The following TPST1 variants were observed in gnomAD, a reference collection of about 807,000 sequenced individuals.
TPST1 encodes protein-tyrosine sulfotransferase 1.
A neutral mutation model predicts 34.8 loss-of-function variants in TPST1; 20 were observed. That is an observed-to-expected ratio of 0.57 (90% CI 0.40 to 0.84). The LOEUF (loss-of-function observed/expected upper bound fraction) is 0.84. Ranked by LOEUF, TPST1 falls within the 40% of genes least tolerant of loss-of-function variation. The pLI, the probability that TPST1 is intolerant of heterozygous loss-of-function variation, is 0.00. For synonymous variants in TPST1, 152 were observed against 159.4 expected (o/e 0.95, Z 0.35); for missense variants, 353 against 455.5 (o/e 0.78, Z 2.05).
upstream of TPST1, among the ~76,000 whole-genome samples, chr7:66,200,497 G>GCAA (rs10645940): frequency 0.65 from 95,994 of 148,818 alleles, 31,317 homozygotes; most frequent in African/African-American, 0.74. Context: ...TCGGCTCACT[G>GCAA]CAAGCTCCGC....
chr7:66,225,820 C>G (rs1789643283), intron 1 of TPST1, among the ~76,000 whole-genome samples: 1 of 152,202 alleles, frequency 6.6e-6, no homozygotes, highest in African/African-American at 2.4e-5. Flanking sequence ...AGTGGAGCCT[C>G]AAACACTATA....
chr7:66,253,548 T>G (rs1300281875), intron 2 of TPST1, among the ~76,000 whole-genome samples: 2 of 151,622 alleles, frequency 1.3e-5, no homozygotes, highest in Non-Finnish European at 2.9e-5. Context: ...ATTTTTTGTA[T>G]TTTTAGTAGA....
At chr7:66,233,987 G>A (rs542715970) in intron 1 of TPST1, among the ~76,000 whole-genome samples, 1 of 152,200 alleles carries the variant, frequency 6.6e-6, no homozygotes, top group South Asian at 2.1e-4. Flanking sequence ...TCAGCCTCCG[G>A]AGTAGCTGGG....
At chr7:66,345,562 C>T (rs2116351984) in intron 3 of TPST1, among the ~76,000 whole-genome samples, 1 of 144,724 alleles carries the variant, frequency 6.9e-6, no homozygotes, top group Middle Eastern at 3.6e-3. Context: ...ATATCATAAT[C>T]AAATTGCAGA....
Position 66,205,854 on chromosome 7 carries a change from C to T in TPST1, c.-102+332C>T. On this transcript the variant is annotated intron_variant, in intron 1 of 5. Coordinates refer to ENST00000304842, the MANE Select transcript of TPST1 (RefSeq NM_003596.4). This position sits in a 1 kb window ranked among gnomAD's most constrained non-coding sequence, Gnocchi z 5.0. ...GATGAGACCCTCGTCTCGCCGGGAT[C>T]GGACATTTGCCCCCACGTCTACCCC... 6.5e-6 allele frequency: 1 copy of T among 152,752 alleles called. No individual in the cohort carries two copies. Among genetic ancestry groups the T allele is most frequent in the Non-Finnish European group, 1.5e-5 (1 of 68,410 alleles). The allele number at this position is 152,752 out of a possible 1,614,324, so 9.5% of individuals were successfully genotyped here. A position where few individuals can be genotyped will look rare whatever the true frequency, so the allele number is the denominator to read the frequency against.
At chr7:66,314,146 A>G (rs1178377978) in intron 3 of TPST1, among the ~76,000 whole-genome samples, 1 of 152,178 alleles carries the variant, frequency 6.6e-6, no homozygotes, top group African/African-American at 2.4e-5. Context: ...TATGATGTTC[A>G]TCTGTCACAC....
At chr7:66,203,579 G>A (rs186821067), upstream of TPST1, among the ~76,000 whole-genome samples, 13 of 150,304 alleles carry the variant, frequency 8.6e-5, no homozygotes, top group East Asian at 1.6e-3. Context: ...TCCACCTCCC[G>A]GGTTCACGCC....
chr7:66,206,907 T>G (rs1789141745), intron 1 of TPST1, among the ~76,000 whole-genome samples: 1 of 151,974 alleles, frequency 6.6e-6, no homozygotes, highest in Non-Finnish European at 1.5e-5. Flanking sequence ...CCTCTAAGAG[T>G]GAGAGAGGAA....
At chr7:66,335,228 G>A (rs1792072846) in intron 3 of TPST1, among the ~76,000 whole-genome samples, 1 of 152,062 alleles carries the variant, frequency 6.6e-6, no homozygotes, top group Admixed American at 6.6e-5. Context: ...GGCCAAGTTG[G>A]GTGGATAATT....
chr7:66,308,492 T>C (rs1233458749), intron 3 of TPST1, among the ~76,000 whole-genome samples: 1 of 152,168 alleles, frequency 6.6e-6, no homozygotes, highest in Non-Finnish European at 1.5e-5. Flanking sequence ...CTGTTAGTCC[T>C]AGGGACACCA....
At chr7:66,294,102 T>A (rs571264442) in intron 3 of TPST1, among the ~76,000 whole-genome samples, 34 of 152,310 alleles carry the variant, frequency 2.2e-4, no homozygotes, top group Non-Finnish European at 4.1e-4. Context: ...TTCACATTGT[T>A]GTGCAACTGT....
At chr7:66,215,812 G>A (rs761717399) in intron 1 of TPST1, among the ~76,000 whole-genome samples, 120 of 124,494 alleles carry the variant, frequency 9.6e-4, no homozygotes, top group Non-Finnish European at 1.7e-3. Context: ...TCGCTTTGTC[G>A]CCCAGGCTGG....
intron 2 of TPST1, among the ~76,000 whole-genome samples, chr7:66,262,209 C>T (rs1184578101): frequency 1.3e-5 from 2 of 152,206 alleles, no homozygotes; most frequent in Non-Finnish European, 2.9e-5. Context: ...GTTTGGGTGT[C>T]ATATTCTTTA....
intron 3 of TPST1, among the ~76,000 whole-genome samples, chr7:66,297,935 C>T (rs1247653948): frequency 2.0e-5 from 3 of 152,214 alleles, no homozygotes; most frequent in Non-Finnish European, 2.9e-5. Flanking sequence ...AATGACTCCA[C>T]TGTTACTACA....
intron 3 of TPST1, among the ~76,000 whole-genome samples, chr7:66,320,404 T>A (rs1184664795): frequency 6.7e-6 from 1 of 148,358 alleles, no homozygotes; most frequent in Non-Finnish European, 1.5e-5. Context: ...CCCGCCACCA[T>A]GCCTGGCTAA....
chr7:66,313,572 C>T (rs1791575291), intron 3 of TPST1, among the ~76,000 whole-genome samples: 1 of 152,228 alleles, frequency 6.6e-6, no homozygotes, highest in South Asian at 2.1e-4. Context: ...ACCTCTATGT[C>T]TTGATGCAAG....
At chr7:66,280,952 T>C (rs931452134) in intron 2 of TPST1, among the ~76,000 whole-genome samples, 1 of 152,212 alleles carries the variant, frequency 6.6e-6, no homozygotes, top group Non-Finnish European at 1.5e-5. Context: ...GTTCTGGATG[T>C]TGGCTGTGGG....
chr7:66,218,290 CTT>C (rs1221830579), intron 1 of TPST1, among the ~76,000 whole-genome samples: 1 of 152,132 alleles, frequency 6.6e-6, no homozygotes, highest in Non-Finnish European at 1.5e-5. Context: ...TTTGTATGCT[CTT>C]TTTATTATTT....
intron 2 of TPST1, among the ~76,000 whole-genome samples, chr7:66,283,730 G>A (rs1790978757): frequency 6.6e-6 from 1 of 152,170 alleles, no homozygotes; most frequent in Non-Finnish European, 1.5e-5. Context: ...CCTTGCCTTA[G>A]CTGCTTAGTA....
Sources: allele counts gnomAD v4.1 joint callset (sites outside exome capture counted in the v4.1 genomes callset), GRCh38; gene constraint gnomAD v4.1.1; non-coding constraint Gnocchi (gnomAD v3.1); transcripts MANE v1.5; gene names NCBI Gene and HGNC (gene_info 2026-07-23, HGNC 2026-07-21).